DAB1: variants seen among roughly 807,000 people sequenced by gnomAD.
DAB1 encodes the protein DAB adaptor protein 1.
A neutral mutation model predicts 64.6 loss-of-function variants in DAB1; 15 were observed. The ratio of observed to expected loss-of-function variants is 0.23; its 90% confidence interval spans 0.16 to 0.36. The LOEUF is 0.36. Among genes scored for constraint, DAB1 ranks in the 10% least tolerant of loss-of-function variants. DAB1 has a pLI of 1.00. For synonymous variants in DAB1, 235 were observed against 251.9 expected (o/e 0.93, Z 0.64); for missense variants, 596 against 706.7 (o/e 0.84, Z 1.78).
At chr1:57,198,826 G>A (rs1196844766) in intron 2 of DAB1, among the ~76,000 whole-genome samples, 14 of 152,154 alleles carry the variant, frequency 9.2e-5, no homozygotes, top group Admixed American at 5.9e-4. Context: ...AAGAGGACAC[G>A]GGAGGTGAAA....
chr1:57,631,766 T>A lies in DAB1; in HGVS notation n.625+17826A>T, dbSNP rs116572629. ...AGCACTGCAATCACTAAAATGGAGT[T>A]AGCAAACTGAGAGTAACCTGACATT... On this transcript the variant is annotated intron_variant and non_coding_transcript_variant, in intron 7 of 20. Coordinates refer to the DAB1 transcript ENST00000485760. 4.2e-3 allele frequency among the ~76,000 whole-genome samples: 637 copies of A among 152,312 alleles called. 7 individuals are homozygous for A. The highest frequency in any genetic ancestry group is 0.015 in the African/African-American group (606 of 41,572).
intron 5 of DAB1, chr1:58,048,621 G>T: frequency 9.1e-7 from 1 of 1,103,178 alleles, no homozygotes; most frequent in Non-Finnish European, 1.4e-6. Context: ...AAGCCACCAT[G>T]ACCACTAAAG....
At chr1:58,209,297 G>A (rs929883283) in intron 4 of DAB1, among the ~76,000 whole-genome samples, 7 of 152,118 alleles carry the variant, frequency 4.6e-5, no homozygotes, top group East Asian at 1.9e-4. Flanking sequence ...GCATTCACAC[G>A]TAGGAAACAA....
In DAB1 at chr1:57,072,375, T is replaced by C; in HGVS notation, c.346A>G (p.Ile116Val). 1 of 1,613,660 alleles carries C rather than the reference T, an allele frequency of 6.2e-7. No individual in the cohort carries two copies. The change falls in exon 5 of 15, where the codon ATT becomes GTT. Residue 116 changes from isoleucine to valine, a missense_variant. This residue lies in a region of DAB1 where 176 missense variants were observed against 266.7 expected (regional missense o/e 0.66). Transcript: ENST00000371236. ...CGGTGATCTGTAATGTCCTTTGCAA[T>C]GTAGGATATTTCATGAACAGCATGA... ...HHHAVHEISY[I>V]AKDITDHRAF...
intron 6 of DAB1, among the ~76,000 whole-genome samples, chr1:57,782,182 T>C (rs964725562): frequency 2.6e-5 from 4 of 152,060 alleles, no homozygotes; most frequent in African/African-American, 4.8e-5. Context: ...GGTACGCTCC[T>C]TTTCTTCCAA....
At chr1:57,991,977 C>T (rs1646349687) in intron 5 of DAB1, among the ~76,000 whole-genome samples, 1 of 151,558 alleles carries the variant, frequency 6.6e-6, no homozygotes, top group Non-Finnish European at 1.5e-5. Context: ...GAGACCTGCA[C>T]AAGCAGACGC....
chr1:57,091,166 C>T (rs932307543), intron 4 of DAB1, among the ~76,000 whole-genome samples: 1 of 152,102 alleles, frequency 6.6e-6, no homozygotes. Context: ...AGGACTCACT[C>T]AGGGTGAGTG....
rs116834014 is a variant in DAB1 at position 57,875,897 on chromosome 1, A to C, written n.87+8102T>G. On this transcript the variant is annotated intron_variant and non_coding_transcript_variant, in intron 1 of 1. Coordinates refer to the DAB1 transcript ENST00000477280. ...CACTTTCTCCTCCAAACATATAGAC[A>C]AAAGGACATTTCTGAAACATATATA... Among the ~76,000 whole-genome samples, 1,370 of 152,286 alleles carry C rather than the reference A, an allele frequency of 9.0e-3. 19 individuals are homozygous for C. The highest frequency in any genetic ancestry group is 0.032 in the African/African-American group (1,324 of 41,556).
intron 5 of DAB1, among the ~76,000 whole-genome samples, chr1:58,019,108 T>C (rs1328411348): frequency 6.6e-6 from 1 of 152,204 alleles, no homozygotes; most frequent in Admixed American, 6.5e-5. Context: ...ATGGCCCAGA[T>C]ATGATGATCT....
chr1:57,878,665 T>C (rs1477859602), intron 1 of DAB1: 1 of 152,166 alleles, frequency 6.6e-6, no homozygotes, highest in Non-Finnish European at 1.5e-5. Context: ...ACCTCAAACA[T>C]TTATTATTAA....
chr1:57,193,389 T>G (rs534556017), intron 2 of DAB1, among the ~76,000 whole-genome samples: 1 of 133,374 alleles, frequency 7.5e-6, no homozygotes, highest in South Asian at 2.5e-4. Context: ...ATGTTTTTTT[T>G]TTTTTTTTTT....
intron 7 of DAB1, among the ~76,000 whole-genome samples, chr1:57,473,066 T>C (rs1020262608): frequency 1.3e-5 from 2 of 152,220 alleles, no homozygotes; most frequent in African/African-American, 2.4e-5. Flanking sequence ...ATATTACTTC[T>C]GGACACTGCA....
At chr1:58,155,543 C>A (rs557945723) in intron 4 of DAB1, among the ~76,000 whole-genome samples, 10 of 152,258 alleles carry the variant, frequency 6.6e-5, no homozygotes, top group Admixed American at 5.2e-4. Flanking sequence ...TCTAGCACCC[C>A]CTATTGGCAG....
At position 57,367,089 on chromosome 1, in the gene DAB1, A is replaced by AAT. The variant is rs1553173315; in HGVS notation, c.-137+56840_-137+56841insAT. ...AAAATAAAATAAAATAAAATAAAAT[A>AAT]AAATAAAATAAAATAAAATAAAATA... is the stretch of plus-strand genomic sequence containing the variant. On this transcript the variant is annotated intron_variant, in intron 1 of 14. Transcript: ENST00000371236. 6.9e-5 allele frequency among the ~76,000 whole-genome samples: 9 copies of AAT among 130,850 alleles called. No homozygotes were observed. The East Asian group carries it at 1.6e-3, about 24-fold the overall frequency. 85.8% of individuals were successfully genotyped at this position (130,850 alleles called of 152,430 possible). A position where few individuals can be genotyped will look rare whatever the true frequency, so the allele number is the denominator to read the frequency against.
rs1199050857 is a variant in DAB1 at position 57,777,035 on chromosome 1, T to A, written n.551+106964A>T. On this transcript the variant is annotated intron_variant and non_coding_transcript_variant, in intron 6 of 20. Transcript: ENST00000485760. ...CTCAGCTTCTATTTTTCTAAAAAAA[T>A]TCCAATATTGTCTTAATTTTGGAAG... 4.0e-5 allele frequency among the ~76,000 whole-genome samples: 6 copies of A among 151,570 alleles called. No homozygotes were observed. The East Asian group carries it at 1.2e-3, about 29-fold the overall frequency.
chr1:57,259,387 T>C (rs1461099876), intron 2 of DAB1, among the ~76,000 whole-genome samples: 3 of 152,196 alleles, frequency 2.0e-5, no homozygotes, highest in Non-Finnish European at 4.4e-5. Context: ...AGGACAGTTC[T>C]GTAATTCAGA....
At chr1:58,268,712 T>G (rs1229009706) in intron 4 of DAB1, among the ~76,000 whole-genome samples, 1 of 152,204 alleles carries the variant, frequency 6.6e-6, no homozygotes, top group African/African-American at 2.4e-5. Context: ...CCTACAGATT[T>G]AATTCTTATC....
intron 2 of DAB1, among the ~76,000 whole-genome samples, chr1:57,267,843 C>G (rs1360074648): frequency 6.6e-6 from 1 of 152,098 alleles, no homozygotes; most frequent in African/African-American, 2.4e-5. Context: ...CAGCTGGGCT[C>G]TCTGTCTTTT....
At chr1:58,380,942 C>A (rs1195379926) in intron 3 of DAB1, among the ~76,000 whole-genome samples, 2 of 152,166 alleles carry the variant, frequency 1.3e-5, no homozygotes, top group Non-Finnish European at 2.9e-5. Flanking sequence ...ACATATACAC[C>A]ATGGAATACT....
Sources: gnomAD v4.1 joint callset for allele counts (sites outside exome capture counted in the v4.1 genomes callset) on GRCh38, gnomAD v4.1.1 for gene constraint, gnomAD v4.1.1 regional missense constraint, MANE v1.5 for transcripts, NCBI Gene and HGNC (gene_info 2026-07-23, HGNC 2026-07-21) for gene names.